The following NRG3 variants were observed in gnomAD, a reference collection of about 807,000 sequenced individuals.
The protein encoded by NRG3 is neuregulin 3.
NRG3 carries 31 observed loss-of-function variants against 66.9 expected under a neutral mutation model. The ratio of observed to expected loss-of-function variants is 0.46; its 90% CI spans 0.35 to 0.63. The LOEUF (loss-of-function observed/expected upper bound fraction) is 0.63. Ranked by LOEUF, NRG3 falls within the 20% of genes least tolerant of loss-of-function variation. The probability of loss-of-function intolerance (pLI) is 0.00; values close to 1 mark genes in which losing one functional copy is unlikely to be tolerated. For synonymous variants in NRG3, 393 were observed against 359.4 expected (o/e 1.09, Z -1.06); for missense variants, 910 against 878.9 (o/e 1.04, Z -0.45).
intron 1 of NRG3, among the ~76,000 whole-genome samples, chr10:82,259,386 C>A (rs1165909450): frequency 6.6e-6 from 1 of 152,012 alleles, no homozygotes; most frequent in Non-Finnish European, 1.5e-5. Context: ...CTGGTTTACT[C>A]AATCTAGGAA....
chr10:82,556,298 A>C (rs1011551635), intron 2 of NRG3, among the ~76,000 whole-genome samples: 17 of 151,806 alleles, frequency 1.1e-4, no homozygotes, highest in African/African-American at 4.1e-4. Context: ...CTTCCCAGGG[A>C]GTTAAGTTAC....
At chr10:82,937,167 T>C (rs1233672761) in intron 4 of NRG3, among the ~76,000 whole-genome samples, 1 of 152,200 alleles carries the variant, frequency 6.6e-6, no homozygotes, top group Non-Finnish European at 1.5e-5. Context: ...ACCTCTCAAA[T>C]TCAGTTTTTA....
At chr10:82,444,211 TC>T (rs1403872749) in intron 2 of NRG3, among the ~76,000 whole-genome samples, 1 of 152,204 alleles carries the variant, frequency 6.6e-6, no homozygotes, top group African/African-American at 2.4e-5. Context: ...CAAGTTATTC[TC>T]CTTTCTCAGC....
chr10:82,777,982 A>C (rs1215415409), intron 3 of NRG3, among the ~76,000 whole-genome samples: 6 of 152,210 alleles, frequency 3.9e-5, no homozygotes, highest in Non-Finnish European at 8.8e-5. Context: ...AAGGTGCTGA[A>C]GCTCTTCAGC....
chr10:82,575,808 G>A (rs666975), intron 2 of NRG3, among the ~76,000 whole-genome samples: 12,883 of 151,684 alleles, frequency 0.085, 628 homozygotes, highest in East Asian at 0.15. Context: ...ACATAATTTC[G>A]GACAAAGTAT....
chr10:82,902,149 A>G (rs1844287430), intron 4 of NRG3, among the ~76,000 whole-genome samples: 1 of 152,182 alleles, frequency 6.6e-6, no homozygotes, highest in African/African-American at 2.4e-5. Context: ...GACTCAGGCA[A>G]TCTGATTAAA....
chr10:82,468,684 G>A (rs774945964), intron 2 of NRG3, among the ~76,000 whole-genome samples: 8 of 152,172 alleles, frequency 5.3e-5, no homozygotes, highest in Non-Finnish European at 7.4e-5. Flanking sequence ...GTCTGCTGGC[G>A]CTGCAGCTAC....
intron 2 of NRG3, among the ~76,000 whole-genome samples, chr10:82,406,509 C>A (rs907506165): frequency 1.3e-5 from 2 of 152,138 alleles, no homozygotes; most frequent in African/African-American, 4.8e-5. Flanking sequence ...CCTTCAGTCA[C>A]TTCTCAATTC....
At chr10:81,958,640 T>C (rs970531267) in intron 1 of NRG3, among the ~76,000 whole-genome samples, 30 of 152,198 alleles carry the variant, frequency 2.0e-4, no homozygotes, top group African/African-American at 7.2e-4. Flanking sequence ...TGGTGGCTCA[T>C]GCCTGTAATC....
intron 2 of NRG3, among the ~76,000 whole-genome samples, chr10:82,542,865 T>C (rs2043635354): frequency 1.3e-5 from 2 of 151,912 alleles, no homozygotes; most frequent in Non-Finnish European, 2.9e-5. Flanking sequence ...CAGGTAAATA[T>C]AATTGTGATG....
At chr10:82,304,334 G>C (rs1833355750) in intron 1 of NRG3, among the ~76,000 whole-genome samples, 1 of 151,964 alleles carries the variant, frequency 6.6e-6, no homozygotes, top group Non-Finnish European at 1.5e-5. Context: ...TATTTTCTCT[G>C]ACCATTGTCT....
At chr10:81,979,266 T>C (rs1589669135) in intron 1 of NRG3, among the ~76,000 whole-genome samples, 1 of 151,942 alleles carries the variant, frequency 6.6e-6, no homozygotes, top group East Asian at 1.9e-4. Context: ...CAATGTTATC[T>C]CTGATTTCCT....
intron 2 of NRG3, among the ~76,000 whole-genome samples, chr10:82,445,364 T>C (rs2090662068): frequency 6.6e-6 from 1 of 152,166 alleles, no homozygotes; most frequent in Admixed American, 6.5e-5. Flanking sequence ...CAATTATCTA[T>C]TTAACGGATC....
At chr10:82,529,737 A>T (rs2132631098) in intron 2 of NRG3, among the ~76,000 whole-genome samples, 1 of 152,280 alleles carries the variant, frequency 6.6e-6, no homozygotes, top group Non-Finnish European at 1.5e-5. Context: ...TGCTAAAGAA[A>T]CACCAGCATC....
At chr10:81,899,289 T>C (rs1444134214) in intron 1 of NRG3, among the ~76,000 whole-genome samples, 2 of 152,240 alleles carry the variant, frequency 1.3e-5, no homozygotes, top group African/African-American at 4.8e-5. Context: ...TTGCCTCTGC[T>C]TCTACCAAGG....
chr10:82,900,504 A>G (rs1844113244), intron 4 of NRG3, among the ~76,000 whole-genome samples: 1 of 152,176 alleles, frequency 6.6e-6, no homozygotes. Flanking sequence ...ATGAACATGG[A>G]CTTTTTAAAC....
chr10:82,730,736 C>T (rs905743582), intron 2 of NRG3, among the ~76,000 whole-genome samples: 3 of 151,994 alleles, frequency 2.0e-5, no homozygotes, highest in African/African-American at 7.3e-5. Context: ...CAAAAGAAAC[C>T]TTATTCTTTA....
At chr10:82,242,432 G>A (rs1289325709) in intron 1 of NRG3, among the ~76,000 whole-genome samples, 1 of 152,112 alleles carries the variant, frequency 6.6e-6, no homozygotes, top group African/African-American at 2.4e-5. Flanking sequence ...AATAGAACAG[G>A]CAATGATATT....
intron 2 of NRG3, among the ~76,000 whole-genome samples, chr10:82,716,068 CA>C (rs2056955881): frequency 6.6e-6 from 1 of 152,048 alleles, no homozygotes; most frequent in South Asian, 2.1e-4. Context: ...TGGAAGAAGA[CA>C]AACATTCATT....
Sources: gnomAD v4.1 joint callset for allele counts (sites outside exome capture counted in the v4.1 genomes callset) on GRCh38, gnomAD v4.1.1 for gene constraint, MANE v1.5 for transcripts, NCBI Gene and HGNC (gene_info 2026-07-23, HGNC 2026-07-21) for gene names.